Variants in RPTOR observed in about 807,000 individuals in gnomAD.
RPTOR encodes regulatory associated protein of MTOR complex 1, also known as regulatory-associated protein of mTOR.
Under a neutral mutation model 169.9 loss-of-function variants are expected in RPTOR, and 21 were observed. That is an observed-to-expected ratio of 0.12 (90% CI 0.09 to 0.18). RPTOR has a LOEUF of 0.18. Ranked by LOEUF, RPTOR falls within the 10% of genes least tolerant of loss-of-function variation. RPTOR has a pLI of 1.00. For synonymous variants in RPTOR, 732 were observed against 753.2 expected (o/e 0.97, Z 0.46); for missense variants, 1,133 against 1,855.9 (o/e 0.61, Z 7.16).
chr17:80,891,442 C>G (rs1470588272), intron 17 of RPTOR, among the ~76,000 whole-genome samples: 1 of 152,198 alleles, frequency 6.6e-6, no homozygotes, highest in South Asian at 2.1e-4. Flanking sequence ...CGTGTCCTTA[C>G]GAGACCCCCG....
intron 20 of RPTOR, among the ~76,000 whole-genome samples, chr17:80,907,419 G>A (rs1287480671): frequency 2.0e-5 from 3 of 152,258 alleles, no homozygotes; most frequent in African/African-American, 4.8e-5. Flanking sequence ...GGCAGGGGAG[G>A]CAGCGCCTGG....
chr17:80,933,090 T>C (rs2068917479), intron 24 of RPTOR, among the ~76,000 whole-genome samples: 1 of 152,192 alleles, frequency 6.6e-6, no homozygotes, highest in African/African-American at 2.4e-5. Flanking sequence ...ACATATCCTC[T>C]CTTGCCACTT....
intron 1 of RPTOR, among the ~76,000 whole-genome samples, chr17:80,613,403 C>A (rs1385116889): frequency 2.0e-5 from 3 of 152,242 alleles, no homozygotes; most frequent in African/African-American, 7.2e-5. Context: ...ACCGCAGCCC[C>A]AGGACCTGAC....
At chr17:80,643,599 A>G in intron 2 of RPTOR, 129 bp from the exon 3 acceptor site, 1 of 643,150 alleles carries the variant, frequency 1.6e-6, no homozygotes. Flanking sequence ...GATCAACCTT[A>G]GGCGTTGTGT....
Position 80,726,046 on chromosome 17 carries a change from C to T in RPTOR, c.508-4514C>T, listed in dbSNP as rs1361554961. ...GAAGATTGTGTGGTGCACAGGGCAG[C>T]CCCACAAGGAGCGGCCCGGCCCCAA... On this transcript the variant is annotated intron_variant, in intron 4 of 33. Coordinates refer to ENST00000306801, the MANE Select transcript of RPTOR (RefSeq NM_020761.3). The surrounding 1 kb of genome is among the most constrained non-coding windows in gnomAD (Gnocchi z 4.5). 1.3e-5 allele frequency among the ~76,000 whole-genome samples: 2 copies of T among 152,110 alleles called. No homozygotes were observed. Among genetic ancestry groups the T allele is most frequent in the Non-Finnish European group, 2.9e-5 (2 of 68,020 alleles).
chr17:80,892,350 C>T (rs867960727), intron 18 of RPTOR, among the ~76,000 whole-genome samples: 36 of 152,094 alleles, frequency 2.4e-4, no homozygotes, highest in African/African-American at 8.4e-4. Flanking sequence ...TCTAGGAAGC[C>T]CAGGAGGGGA....
intron 7 of RPTOR, among the ~76,000 whole-genome samples, chr17:80,813,251 AAG>A (rs2067291121): frequency 6.6e-6 from 1 of 152,236 alleles, no homozygotes; most frequent in Non-Finnish European, 1.5e-5. Flanking sequence ...ATTTTAAATA[AAG>A]AGAGGCTGGA....
At chr17:80,851,346 A>G (rs2143729836) in intron 11 of RPTOR, among the ~76,000 whole-genome samples, 2 of 152,306 alleles carry the variant, frequency 1.3e-5, no homozygotes, top group South Asian at 4.1e-4. Flanking sequence ...CCGGAACAGG[A>G]GGTTTTTGTT....
intron 6 of RPTOR, among the ~76,000 whole-genome samples, chr17:80,781,492 A>G (rs1053387216): frequency 1.8e-4 from 28 of 152,288 alleles, no homozygotes; most frequent in Non-Finnish European, 2.9e-4. Flanking sequence ...AATAGGAAGA[A>G]TTTCCCAAGT....
At chr17:80,588,207 G>A (rs558950751) in intron 1 of RPTOR, among the ~76,000 whole-genome samples, 5 of 147,406 alleles carry the variant, frequency 3.4e-5, no homozygotes, top group Admixed American at 1.4e-4. Flanking sequence ...ATGTCGCCCC[G>A]GCTGGAGTGC....
In RPTOR at chr17:80,708,090, G is replaced by T; in HGVS notation, c.507+91G>T. 7.8e-7 allele frequency: 1 copy of T among 1,290,054 alleles called. No homozygotes were observed. The highest frequency in any genetic ancestry group is 2.3e-5 in the Admixed American group (1 of 43,402). 79.9% of individuals were successfully genotyped at this position (1,290,054 alleles called of 1,614,324 possible). ...CAGGTCCTGCCCATCCGTAGCTTCT[G>T]TTAAGCCATTGATGTTTACTGTGTT... is the stretch of plus-strand genomic sequence containing the variant. On this transcript the variant is annotated intron_variant, in intron 4 of 33. Coordinates refer to ENST00000306801, the MANE Select transcript of RPTOR (RefSeq NM_020761.3). The surrounding 1 kb of genome is among the most constrained non-coding windows in gnomAD (Gnocchi z 4.2).
At chr17:80,815,925 C>T (rs1044662429) in intron 7 of RPTOR, among the ~76,000 whole-genome samples, 1 of 151,072 alleles carries the variant, frequency 6.6e-6, no homozygotes, top group African/African-American at 2.4e-5. Flanking sequence ...TCAATCAGGG[C>T]TGGACAGTCC....
intron 9 of RPTOR, among the ~76,000 whole-genome samples, chr17:80,826,168 T>C (rs934876718): frequency 5.3e-5 from 8 of 152,124 alleles, no homozygotes; most frequent in Admixed American, 1.3e-4. Context: ...AAGAAAACCT[T>C]GATCCTGAAG....
chr17:80,611,117 T>C (rs2065267426), intron 1 of RPTOR, among the ~76,000 whole-genome samples: 1 of 152,162 alleles, frequency 6.6e-6, no homozygotes, highest in African/African-American at 2.4e-5. Flanking sequence ...TTTCACACAA[T>C]TGGAAGACCT....
At chr17:80,684,697 G>T (rs939031010) in intron 3 of RPTOR, among the ~76,000 whole-genome samples, 10 of 151,982 alleles carry the variant, frequency 6.6e-5, no homozygotes, top group Non-Finnish European at 1.5e-4. Flanking sequence ...CACCCACCTC[G>T]GCCTCCCATA....
At chr17:80,622,858 A>C (rs2065364758) in intron 1 of RPTOR, among the ~76,000 whole-genome samples, 1 of 152,190 alleles carries the variant, frequency 6.6e-6, no homozygotes, top group Non-Finnish European at 1.5e-5. Context: ...AGCCAAGATT[A>C]TGTCGCTGCA....
At chr17:80,815,784 G>T (rs1300068657) in intron 7 of RPTOR, among the ~76,000 whole-genome samples, 1 of 152,260 alleles carries the variant, frequency 6.6e-6, no homozygotes, top group Non-Finnish European at 1.5e-5. Context: ...TCCTGTGCTG[G>T]ACAGTCCGTC....
intron 24 of RPTOR, among the ~76,000 whole-genome samples, chr17:80,930,355 C>CTGCTCATCCT (rs2068872557): frequency 1.0e-4 from 5 of 48,894 alleles, no homozygotes; most frequent in Non-Finnish European, 1.6e-4. Context: ...CAGCTCATCC[C>CTGCTCATCCT]CAGCTCATCC....
At chr17:80,773,949 G>A (rs548998284) in intron 6 of RPTOR, 2 of 985,414 alleles carry the variant, frequency 2.0e-6, no homozygotes, top group Non-Finnish European at 2.4e-6. Context: ...TGCCCTGGGG[G>A]CTATGGTGCT....
Sources: allele counts gnomAD v4.1 joint callset (sites outside exome capture counted in the v4.1 genomes callset), GRCh38; gene constraint gnomAD v4.1.1; non-coding constraint Gnocchi (gnomAD v3.1); transcripts MANE v1.5; gene names NCBI Gene and HGNC (gene_info 2026-07-23, HGNC 2026-07-21).